FLT3: variants seen among roughly 807,000 people sequenced by gnomAD.
The protein encoded by FLT3 is receptor-type tyrosine-protein kinase FLT3.
Under a neutral mutation model 126.6 loss-of-function variants are expected in FLT3, and 46 were observed. That is an observed-to-expected ratio of 0.36 (90% CI 0.29 to 0.46). The LOEUF (loss-of-function observed/expected upper bound fraction) is 0.46, where lower values mean the gene tolerates loss of function less well. FLT3 is among the 20% of genes least tolerant of loss of function. The probability of loss-of-function intolerance (pLI) is 1.00; values close to 1 mark genes in which losing one functional copy is unlikely to be tolerated. For synonymous variants in FLT3, 404 were observed against 434.4 expected, an observed-to-expected ratio of 0.93 and a Z score of 0.87; for missense variants, 1,069 against 1,190.3, an observed-to-expected ratio of 0.90 and a Z score of 1.50.
intron 23 of FLT3, chr13:28,009,258 G>C (rs1377606734): frequency 6.6e-6 from 1 of 152,162 alleles, no homozygotes; most frequent in Admixed American, 6.5e-5. Flanking sequence ...GAAGTTATGT[G>C]TTACGTTTCT....
intron 19 of FLT3, among the ~76,000 whole-genome samples, chr13:28,020,547 A>G (rs1453131503): frequency 6.6e-6 from 1 of 152,092 alleles, no homozygotes; most frequent in Middle Eastern, 3.4e-3. Flanking sequence ...GGGTTTTGCC[A>G]TGTTGGCCAG....
rs375938194 is a variant in FLT3 at position 28,098,948 on chromosome 13, T to C, written c.43+1520A>G. Among the ~76,000 whole-genome samples, 12 of 152,204 alleles carry C rather than the reference T, an allele frequency of 7.9e-5. No homozygotes were observed. The East Asian group carries it at 2.3e-3, about 29-fold the overall frequency. On this transcript the variant is annotated intron_variant, in intron 1 of 23. Coordinates refer to ENST00000241453, the MANE Select transcript of FLT3 (RefSeq NM_004119.3). ...ATCAGAAGTCAGAATAGTGGCTACC[T>C]GGGGAGGGGGTACTGACAGAGAGGG...
At chr13:28,061,677 G>A (rs886728392) in intron 3 of FLT3, among the ~76,000 whole-genome samples, 190 bp downstream of exon 3, 10 of 151,774 alleles carry the variant, frequency 6.6e-5, no homozygotes, top group Non-Finnish European at 1.5e-4. Context: ...GGACTGGGGT[G>A]GGGGGATTAC....
chr13:28,098,314 C>CAAAAAAAAAAAAAAAAAAAAA (rs55675449), intron 1 of FLT3, among the ~76,000 whole-genome samples: 9 of 85,298 alleles, frequency 1.1e-4, no homozygotes, highest in African/African-American at 3.5e-4. Context: ...GACTCCGTCT[C>CAAAAAAAAAAAAAAAAAAAAA]AAAAAAAAAA....
intron 1 of FLT3, among the ~76,000 whole-genome samples, chr13:28,091,776 A>G (rs1379598713): frequency 6.6e-6 from 1 of 152,130 alleles, no homozygotes; most frequent in Non-Finnish European, 1.5e-5. Context: ...CTCTATAAAA[A>G]TAAAAAATAG....
chr13:28,035,716 A>G (rs761483483), intron 11 of FLT3, 43 bp from the exon 12 acceptor site: 1 of 1,564,960 alleles, frequency 6.4e-7, no homozygotes, highest in Admixed American at 1.9e-5. Flanking sequence ...GTGAGCTGTC[A>G]TCAGATTGGA....
intron 23 of FLT3, among the ~76,000 whole-genome samples, chr13:28,008,391 T>A (rs554527813): frequency 2.6e-5 from 4 of 152,014 alleles, no homozygotes; most frequent in Non-Finnish European, 5.9e-5. Context: ...CAGGTTTTAA[T>A]AGGCAATATC....
At chr13:28,010,696 C>G (rs569685726) in intron 23 of FLT3, among the ~76,000 whole-genome samples, 2 of 152,250 alleles carry the variant, frequency 1.3e-5, no homozygotes, top group East Asian at 3.9e-4. Flanking sequence ...TTTTCCTTCC[C>G]TAGTCCTTGA....
intron 1 of FLT3, among the ~76,000 whole-genome samples, chr13:28,080,063 C>T (rs1369653880): frequency 6.6e-6 from 1 of 152,178 alleles, no homozygotes; most frequent in Admixed American, 6.6e-5. Flanking sequence ...AAACACCTCC[C>T]ACTAGGCTCC....
At chr13:28,053,174 T>TCACACACA (rs10549768) in intron 4 of FLT3, among the ~76,000 whole-genome samples, 5 of 149,172 alleles carry the variant, frequency 3.4e-5, no homozygotes, top group East Asian at 3.9e-4. Context: ...TCACCCTGGA[T>TCACACACA]CACACACACA....
rs111404906 is a variant in FLT3, at chr13:28,035,487, T to C, written c.1597+8A>G. ...GATGGTGGAATATCACAAGAACAAC[T>C]GTTGTACCTGGAGAGTTTAAAAGGA... On this transcript the variant is annotated splice_region_variant and intron_variant, in intron 12 of 23. Transcript: ENST00000241453. 388 of 1,608,616 alleles carry C rather than the reference T, an allele frequency of 2.4e-4. No homozygotes were observed. The Middle Eastern group carries it at 5.8e-3, about 24-fold the overall frequency.
intron 23 of FLT3, among the ~76,000 whole-genome samples, chr13:28,011,847 G>C (rs1566055276): frequency 6.7e-6 from 1 of 150,126 alleles, no homozygotes; most frequent in Admixed American, 6.7e-5. Context: ...ACCCAGGCTG[G>C]AGTGCAGTGG....
chr13:28,063,402 C>T (rs1478334966), intron 2 of FLT3, among the ~76,000 whole-genome samples: 1 of 152,138 alleles, frequency 6.6e-6, no homozygotes, highest in African/African-American at 2.4e-5. Context: ...ATCACTTGAA[C>T]CTGGGAGATG....
chr13:28,046,652 G>A (rs1204406491), intron 9 of FLT3, among the ~76,000 whole-genome samples: 8 of 151,630 alleles, frequency 5.3e-5, no homozygotes, highest in South Asian at 4.2e-4. Context: ...GCTGGAGTGC[G>A]GTGACGTGAT....
intron 15 of FLT3, among the ~76,000 whole-genome samples, chr13:28,033,278 A>G (rs1873518791): frequency 6.9e-6 from 1 of 144,062 alleles, no homozygotes; most frequent in Non-Finnish European, 1.5e-5. Context: ...CCTGGGTAAC[A>G]GAGCAAGATC....
Position 28,035,984 on chromosome 13 carries a change from A to T in FLT3, c.1369T>A (p.Tyr457Asn). 5.6e-6 allele frequency: 9 copies of T among 1,614,198 alleles called. No individual in the cohort carries two copies. Among genetic ancestry groups the T allele is most frequent in the Non-Finnish European group, 7.6e-6 (9 of 1,180,028 alleles). Reference protein sequence around the residue: ...ASQASCFSDGYPLPSWTWKKC... With the variant: ...ASQASCFSDGNPLPSWTWKKC... ...TTCCAGGTCCAAGATGGTAATGGGTATCCATCCGAGAAACAGGACGCCTGA... is the reference window on the plus strand; with the variant it reads ...TTCCAGGTCCAAGATGGTAATGGGTTTCCATCCGAGAAACAGGACGCCTGA... Residue 457 changes from tyrosine to asparagine, a missense_variant, in exon 11 of 24, where the codon TAC becomes AAC. By Grantham distance (143) the Tyr-to-Asn change is moderately radical (BLOSUM62 -2). Coordinates refer to ENST00000241453, the MANE Select transcript of FLT3 (RefSeq NM_004119.3).
chr13:28,085,254 G>T (rs1369056777), intron 1 of FLT3, among the ~76,000 whole-genome samples: 1 of 145,448 alleles, frequency 6.9e-6, no homozygotes, highest in Non-Finnish European at 1.5e-5. Context: ...TGAGGCAGGA[G>T]AACTACTTGA....
chr13:28,076,412 G>T (rs8001973), intron 1 of FLT3, among the ~76,000 whole-genome samples: 122,555 of 152,112 alleles, frequency 0.81, 49,475 homozygotes, highest in East Asian at 0.95. Context: ...CAGGACAAGC[G>T]GTCTGCAAGC....
At chr13:28,062,683 G>A (rs888971791) in intron 2 of FLT3, among the ~76,000 whole-genome samples, 2 of 145,538 alleles carry the variant, frequency 1.4e-5, no homozygotes, top group African/African-American at 5.2e-5. Context: ...GGCAGCGGTT[G>A]CAGCGAGCTG....
Sources: gnomAD v4.1 joint callset for allele counts (sites outside exome capture counted in the v4.1 genomes callset) on GRCh38, gnomAD v4.1.1 for gene constraint, MANE v1.5 for transcripts, NCBI Gene and HGNC (gene_info 2026-07-23, HGNC 2026-07-21) for gene names.